The following TSHZ2 variants were observed in gnomAD, a reference collection of about 807,000 sequenced individuals.
The protein encoded by TSHZ2 is teashirt homolog 2.
In TSHZ2, 21 loss-of-function variants were observed where a neutral mutation model predicts 74.4. That is an observed-to-expected ratio of 0.28 (90% CI 0.20 to 0.41). The LOEUF (loss-of-function observed/expected upper bound fraction) is 0.41. Among genes scored for constraint, TSHZ2 ranks in the 10% least tolerant of loss-of-function variants. The pLI is 1.00. For missense variants in TSHZ2, 1,244 were observed against 1,293.5 expected, an observed-to-expected ratio of 0.96 and a Z score of 0.59; for synonymous variants, 540 against 515.3, an observed-to-expected ratio of 1.05 and a Z score of -0.65.
chr20:53,461,175 G>C (rs1161421611), intron 2 of TSHZ2, among the ~76,000 whole-genome samples: 2 of 152,172 alleles, frequency 1.3e-5, no homozygotes, highest in East Asian at 1.9e-4. Flanking sequence ...TCAGACTGCT[G>C]TGCTAGCAAT....
intron 1 of TSHZ2, among the ~76,000 whole-genome samples, chr20:53,108,521 G>C (rs571839430): frequency 6.6e-5 from 10 of 152,308 alleles, no homozygotes; most frequent in African/African-American, 2.2e-4. Context: ...CAAGTTCTGA[G>C]AATTCTTTCT....
intron 1 of TSHZ2, among the ~76,000 whole-genome samples, chr20:53,073,681 T>C (rs915401842): frequency 7.9e-5 from 12 of 152,212 alleles, no homozygotes; most frequent in African/African-American, 2.9e-4. Flanking sequence ...AATGGATGCT[T>C]TTCAACAGTC....
At chr20:53,279,352 A>G (rs1203009622) in intron 2 of TSHZ2, among the ~76,000 whole-genome samples, 1 of 152,236 alleles carries the variant, frequency 6.6e-6, no homozygotes, top group African/African-American at 2.4e-5. Context: ...AACTTTATCA[A>G]AGGACACTGA....
chr20:53,001,271 G>T (rs1317583340), intron 1 of TSHZ2, among the ~76,000 whole-genome samples: 3 of 81,542 alleles, frequency 3.7e-5, no homozygotes, highest in Non-Finnish European at 9.2e-5. Context: ...AGGGGGTGCT[G>T]ATATTTTTTT....
At position 53,125,436 on chromosome 20, in the gene TSHZ2, C is replaced by A. The variant is rs150667133; in HGVS notation, c.41-128063C>A. ...ACAGAATGATTACAAAGGTGAAGTACATTTAATGCCTGTGAAGCTTTTAGA... is the reference window on the plus strand; with the variant it reads ...ACAGAATGATTACAAAGGTGAAGTAAATTTAATGCCTGTGAAGCTTTTAGA... On this transcript the variant is annotated intron_variant, in intron 1 of 2. Transcript: ENST00000371497. 9.9e-5 allele frequency among the ~76,000 whole-genome samples: 15 copies of A among 152,216 alleles called. No homozygotes were observed. In the East Asian group the frequency reaches 2.9e-3, roughly 29 times the overall value.
intron 1 of TSHZ2, among the ~76,000 whole-genome samples, chr20:53,075,805 C>T (rs779633765): frequency 6.6e-6 from 1 of 152,130 alleles, no homozygotes; most frequent in Non-Finnish European, 1.5e-5. Context: ...CAGCCACCAT[C>T]GGTGGGAGCC....
At chr20:53,299,804 C>T (rs953409500) in intron 2 of TSHZ2, among the ~76,000 whole-genome samples, 6 of 152,164 alleles carry the variant, frequency 3.9e-5, no homozygotes, top group Non-Finnish European at 2.9e-5. Context: ...ATTCATTTTG[C>T]AACTTAATTC....
intron 1 of TSHZ2, among the ~76,000 whole-genome samples, chr20:53,221,417 G>A (rs937739144): frequency 6.6e-6 from 1 of 152,140 alleles, no homozygotes; most frequent in Non-Finnish European, 1.5e-5. Flanking sequence ...GGTATCTATA[G>A]GGGCCACCTA....
intron 2 of TSHZ2, among the ~76,000 whole-genome samples, chr20:53,304,580 C>A (rs1276524424): frequency 6.6e-6 from 1 of 152,102 alleles, no homozygotes; most frequent in Non-Finnish European, 1.5e-5. Context: ...CAGCCCACAA[C>A]TTATTTCACA....
chr20:53,310,578 G>A (rs1274394147), intron 2 of TSHZ2, among the ~76,000 whole-genome samples: 3 of 152,202 alleles, frequency 2.0e-5, no homozygotes, highest in Non-Finnish European at 4.4e-5. Flanking sequence ...TTTGACTGGG[G>A]AAAGACCCAC....
At chr20:53,030,807 A>G (rs956043559) in intron 1 of TSHZ2, among the ~76,000 whole-genome samples, 5 of 152,250 alleles carry the variant, frequency 3.3e-5, no homozygotes, top group African/African-American at 9.6e-5. Flanking sequence ...TAATGTAAAC[A>G]TTATAATCAT....
At chr20:53,012,512 G>C (rs890514256) in intron 1 of TSHZ2, among the ~76,000 whole-genome samples, 3 of 152,160 alleles carry the variant, frequency 2.0e-5, no homozygotes, top group African/African-American at 7.2e-5. Flanking sequence ...AGCTTGGGAA[G>C]TTTAGGTGTG....
At position 53,468,810 on chromosome 20, in the gene TSHZ2, T is replaced by A. The variant is rs1056128346; in HGVS notation, c.*9-18334T>A. On this transcript the variant is annotated intron_variant, in intron 2 of 2. Transcript: ENST00000371497. The stretch of plus-strand genomic sequence containing the variant: ...CATTTGAGACACATATTACAAATTG[T>A]ACTTTAAAAGAGGAAGTTCAGAAGT... 2.0e-5 allele frequency among the ~76,000 whole-genome samples: 3 copies of A among 150,976 alleles called. No individual in the cohort carries two copies. In the South Asian group the frequency reaches 6.3e-4, roughly 32 times the overall value.
At chr20:52,986,413 A>AG (rs1297898300) in intron 1 of TSHZ2, among the ~76,000 whole-genome samples, 1 of 144,338 alleles carries the variant, frequency 6.9e-6, no homozygotes, top group Non-Finnish European at 1.5e-5. Flanking sequence ...AAAAAAAAAA[A>AG]AAAAAGAAAG....
intron 1 of TSHZ2, among the ~76,000 whole-genome samples, chr20:53,238,183 C>T (rs1989982502): frequency 6.6e-6 from 1 of 152,164 alleles, no homozygotes; most frequent in Non-Finnish European, 1.5e-5. Flanking sequence ...GAAACCATTC[C>T]GTTTGGGTTA....
chr20:53,030,270 T>C (rs1246768023), intron 1 of TSHZ2, among the ~76,000 whole-genome samples: 2 of 152,128 alleles, frequency 1.3e-5, no homozygotes, highest in African/African-American at 4.8e-5. Context: ...GGTTGATTTT[T>C]GCTGAAGATG....
At chr20:53,355,646 T>C (rs1444035170) in intron 2 of TSHZ2, among the ~76,000 whole-genome samples, 1 of 152,160 alleles carries the variant, frequency 6.6e-6, no homozygotes, top group Admixed American at 6.5e-5. Flanking sequence ...AGTTTTCTTT[T>C]TGGGAAGAAA....
At chr20:53,153,871 G>C (rs1987731697) in intron 1 of TSHZ2, among the ~76,000 whole-genome samples, 1 of 152,162 alleles carries the variant, frequency 6.6e-6, no homozygotes, top group Non-Finnish European at 1.5e-5. Flanking sequence ...CGTGGCCTTA[G>C]ATAAGATGGT....
intron 2 of TSHZ2, among the ~76,000 whole-genome samples, chr20:53,396,136 A>C (rs2145669109): frequency 6.6e-6 from 1 of 152,236 alleles, no homozygotes; most frequent in South Asian, 2.1e-4. Flanking sequence ...ATGGGGTTTC[A>C]CCATGTTAGC....
Sources: gnomAD v4.1 joint callset for allele counts (sites outside exome capture counted in the v4.1 genomes callset) on GRCh38, gnomAD v4.1.1 for gene constraint, MANE v1.5 for transcripts, NCBI Gene and HGNC (gene_info 2026-07-23, HGNC 2026-07-21) for gene names.